Variants in STAG1 observed in about 807,000 individuals in gnomAD.
The protein encoded by STAG1 is STAG1 cohesin complex component.
STAG1 carries 26 observed loss-of-function variants against 170.9 expected under a neutral mutation model. The observed-to-expected ratio is 0.15, with a 90% CI of 0.11 to 0.21. The LOEUF (loss-of-function observed/expected upper bound fraction) is 0.21. STAG1 is among the 10% of genes least tolerant of loss of function. The pLI is 1.00. For missense variants in STAG1, 964 were observed against 1,509.5 expected (o/e 0.64, Z 5.99); for synonymous variants, 514 against 497.7 (o/e 1.03, Z -0.44).
intron 1 of STAG1, among the ~76,000 whole-genome samples, chr3:136,688,396 T>A (rs1353504168): frequency 6.6e-6 from 1 of 152,034 alleles, no homozygotes; most frequent in East Asian, 1.9e-4. Context: ...TACAAAAAGT[T>A]TAATTTTTTT....
intron 6 of STAG1, among the ~76,000 whole-genome samples, chr3:136,538,229 A>G (rs1011829715): frequency 6.6e-5 from 10 of 152,220 alleles, no homozygotes; most frequent in African/African-American, 2.2e-4. Flanking sequence ...ATTTAATTCT[A>G]TTAATAAATA....
chr3:136,723,078 A>G (rs958826042), intron 1 of STAG1, among the ~76,000 whole-genome samples: 3 of 152,204 alleles, frequency 2.0e-5, no homozygotes, highest in Non-Finnish European at 2.9e-5. Flanking sequence ...TTGGCCTCCC[A>G]AAGTGCCGAG....
At chr3:136,363,128 C>T (rs1265920429) in intron 26 of STAG1, among the ~76,000 whole-genome samples, 12 of 151,960 alleles carry the variant, frequency 7.9e-5, no homozygotes, top group African/African-American at 2.4e-4. Context: ...TTCATCTAGT[C>T]CAAGAATAAA....
At position 136,405,231 on chromosome 3, in the gene STAG1, C is replaced by CTTTTTTTTTT. The variant is rs554475207; in HGVS notation, c.2197-6412_2197-6403dup. ...AATAAATAAACACATGAAAAAACCTCTTTTTTTTTTTTTTTTTTTTTTTTT... is the reference window on the plus strand; with the variant it reads ...AATAAATAAACACATGAAAAAACCTCTTTTTTTTTTTTTTTTTTTTTTTTTTTTTTTTTTT... On this transcript the variant is annotated intron_variant, in intron 21 of 33. Transcript: ENST00000383202. Among the ~76,000 whole-genome samples, 5 of 60,874 alleles carry CTTTTTTTTTT rather than the reference C, an allele frequency of 8.2e-5. 1 individual carries two copies. Among genetic ancestry groups the CTTTTTTTTTT allele is most frequent in the Non-Finnish European group, 1.4e-4 (4 of 28,616 alleles). 39.9% of individuals were successfully genotyped at this position (60,874 alleles called of 152,430 possible).
chr3:136,551,336 C>A (rs1311417441), intron 5 of STAG1, among the ~76,000 whole-genome samples: 2 of 150,324 alleles, frequency 1.3e-5, no homozygotes, highest in Non-Finnish European at 3.0e-5. Context: ...CAGCCTTGAC[C>A]TCCCAGAATC....
Position 136,338,010 on chromosome 3 carries a change from T to TAAGTC in STAG1, c.*239_*243dup. The TAAGTC allele has an allele frequency of 2.1e-6, 1 of 471,376 alleles. No homozygotes were observed. 29.2% of individuals were successfully genotyped at this position (471,376 alleles called of 1,614,324 possible). A position where few individuals can be genotyped will look rare whatever the true frequency, so the allele number is the denominator to read the frequency against. ...AAAAACACACACATCTGTATTGGGATAAGTCCAATAGTAGGACACAAATGA... is the reference window on the plus strand; with the variant it reads ...AAAAACACACACATCTGTATTGGGATAAGTCAAGTCCAATAGTAGGACACAAATGA... On this transcript the variant is annotated 3_prime_UTR_variant, in exon 34 of 34. Transcript: ENST00000383202.
chr3:136,637,350 G>T lies in STAG1; in HGVS notation c.-83-6369C>A, dbSNP rs572319391. On this transcript the variant is annotated intron_variant, in intron 1 of 33. Coordinates refer to ENST00000383202, the MANE Select transcript of STAG1 (RefSeq NM_005862.3). ...ACATTAAGACTCAAGAAAGAGAGGA[G>T]TAATAAATCTTTTGAAAATATCAGC... 2.6e-5 allele frequency among the ~76,000 whole-genome samples: 4 copies of T among 152,274 alleles called. No homozygotes were observed. In the East Asian group the frequency reaches 7.7e-4, roughly 29 times the overall value.
At chr3:136,735,395 G>A (rs1362708809) in intron 1 of STAG1, among the ~76,000 whole-genome samples, 2 of 151,670 alleles carry the variant, frequency 1.3e-5, no homozygotes, top group South Asian at 2.1e-4. Flanking sequence ...TGAAGTGGTG[G>A]GATTACAGGC....
intron 13 of STAG1, among the ~76,000 whole-genome samples, chr3:136,463,828 TATACATATATAC>T (rs1185180049): frequency 4.8e-5 from 7 of 145,334 alleles, no homozygotes; most frequent in Admixed American, 1.4e-4. Context: ...TATATTCATA[TATACATATATAC>T]ATACATATAT....
Position 136,498,210 on chromosome 3 carries a change from T to TTATATATATATATATATATA in STAG1, c.902+1993_902+2012dup, listed in dbSNP as rs374645920. On this transcript the variant is annotated intron_variant, in intron 9 of 33. Transcript: ENST00000383202. Reference sequence around the variant, plus strand: ...TCCATCTTAAAAAAAAAAAAAAAAATTATATATATATATATATATATATAC... The same window carrying TTATATATATATATATATATA: ...TCCATCTTAAAAAAAAAAAAAAAAATTATATATATATATATATATATATATATATATATATATATATATAC... Among the ~76,000 whole-genome samples, 138 of 50,766 alleles carry TTATATATATATATATATATA rather than the reference T, an allele frequency of 2.7e-3. 2 individuals carry two copies. The highest frequency in any genetic ancestry group is 0.011 in the Middle Eastern group (1 of 92). The allele number at this position is 50,766 out of a possible 152,430, so 33.3% of individuals were successfully genotyped here. A position where few individuals can be genotyped will look rare whatever the true frequency, so the allele number is the denominator to read the frequency against.
At chr3:136,453,185 G>C (rs1390943052) in intron 13 of STAG1, among the ~76,000 whole-genome samples, 1 of 151,940 alleles carries the variant, frequency 6.6e-6, no homozygotes, top group Non-Finnish European at 1.5e-5. Context: ...TTAGTAAAAT[G>C]ACATTAATGG....
At chr3:136,384,663 G>C (rs922751594) in intron 22 of STAG1, among the ~76,000 whole-genome samples, 1 of 151,854 alleles carries the variant, frequency 6.6e-6, no homozygotes, top group Non-Finnish European at 1.5e-5. Flanking sequence ...CCATACTCTG[G>C]AGGCTGAGGC....
intron 4 of STAG1, among the ~76,000 whole-genome samples, chr3:136,580,036 C>T (rs905849294): frequency 7.7e-6 from 1 of 129,718 alleles, no homozygotes; most frequent in Non-Finnish European, 1.5e-5. Flanking sequence ...GGTGCGATCT[C>T]GGCTCACTGC....
At chr3:136,524,907 G>C (rs1934915109) in intron 6 of STAG1, among the ~76,000 whole-genome samples, 2 of 152,268 alleles carry the variant, frequency 1.3e-5, no homozygotes, top group Admixed American at 1.3e-4. Flanking sequence ...TTATTGATTT[G>C]TGTATGGTGA....
chr3:136,640,265 T>C (rs371197194), intron 1 of STAG1, among the ~76,000 whole-genome samples: 2 of 152,308 alleles, frequency 1.3e-5, no homozygotes, highest in South Asian at 4.1e-4. Flanking sequence ...CGAACAAATA[T>C]TGTTTATTGA....
In STAG1 at chr3:136,551,208, TGAGAGAGAGAGAGAGA is replaced by T. The variant is rs57609965; in HGVS notation, c.395-9029_395-9014del. On this transcript the variant is annotated intron_variant, in intron 5 of 33. Coordinates refer to ENST00000383202, the MANE Select transcript of STAG1 (RefSeq NM_005862.3). ...GAGAGAGAGAGAGGTTGAGAGAGAG[TGAGAGAGAGAGAGAGA>T]GAGAGAGAGAGAGAGAGAGAGAGAG... 4.0e-3 allele frequency among the ~76,000 whole-genome samples: 176 copies of T among 44,480 alleles called. 1 individual carries two copies. The highest frequency in any genetic ancestry group is 5.1e-3 in the East Asian group (7 of 1,372). The allele number at this position is 44,480 out of a possible 152,430, so 29.2% of individuals were successfully genotyped here.
intron 6 of STAG1, among the ~76,000 whole-genome samples, chr3:136,536,182 G>A (rs1251785363): frequency 6.6e-6 from 1 of 152,060 alleles, no homozygotes; most frequent in Non-Finnish European, 1.5e-5. Flanking sequence ...TGATGTCTCA[G>A]ATAATGTAAT....
At chr3:136,669,560 T>C (rs1225054466) in intron 1 of STAG1, among the ~76,000 whole-genome samples, 1 of 152,066 alleles carries the variant, frequency 6.6e-6, no homozygotes, top group Non-Finnish European at 1.5e-5. Context: ...GGTCTCACCA[T>C]GTTGCTCAGG....
intron 3 of STAG1, among the ~76,000 whole-genome samples, chr3:136,620,005 G>A (rs1217215911): frequency 6.6e-6 from 1 of 152,010 alleles, no homozygotes; most frequent in Non-Finnish European, 1.5e-5. Context: ...GTTTGAGGAT[G>A]CAGTAAGCCA....
Sources: gnomAD v4.1 joint callset for allele counts (sites outside exome capture counted in the v4.1 genomes callset) on GRCh38, gnomAD v4.1.1 for gene constraint, MANE v1.5 for transcripts, NCBI Gene and HGNC (gene_info 2026-07-23, HGNC 2026-07-21) for gene names.